The following KIF5C variants were observed in gnomAD, a reference collection of about 807,000 sequenced individuals.
KIF5C encodes kinesin heavy chain isoform 5C.
Under a neutral mutation model 125.2 loss-of-function variants are expected in KIF5C, and 18 were observed. The observed-to-expected ratio is 0.14, with a 90% CI of 0.10 to 0.21. The LOEUF (loss-of-function observed/expected upper bound fraction) is 0.21. Among genes scored for constraint, KIF5C ranks in the 10% least tolerant of loss-of-function variants. The pLI, the probability that KIF5C is intolerant of heterozygous loss-of-function variation, is 1.00. For missense variants in KIF5C, 780 were observed against 1,183.8 expected (o/e 0.66, Z 5.01); for synonymous variants, 405 against 434.0 (o/e 0.93, Z 0.83).
chr2:148,916,020 G>C (rs931809131), intron 1 of KIF5C, among the ~76,000 whole-genome samples: 1 of 152,220 alleles, frequency 6.6e-6, no homozygotes, highest in Admixed American at 6.5e-5. Flanking sequence ...GCCTGTTGCG[G>C]GTGACCAAGA....
chr2:148,947,066 TA>T, intron 8 of KIF5C, 43 bp downstream of exon 8: 1 of 1,566,908 alleles, frequency 6.4e-7, no homozygotes, highest in Non-Finnish European at 8.6e-7. Flanking sequence ...TTTCCCCTTT[TA>T]TTTGCTTCAT....
At chr2:148,881,467 T>C (rs1176891568) in intron 1 of KIF5C, among the ~76,000 whole-genome samples, 1 of 152,124 alleles carries the variant, frequency 6.6e-6, no homozygotes, top group Non-Finnish European at 1.5e-5. Context: ...ACTGTAGTTG[T>C]GTAATTGCTT....
intron 4 of KIF5C, among the ~76,000 whole-genome samples, chr2:148,940,093 A>G (rs559872711): frequency 3.3e-5 from 5 of 152,276 alleles, no homozygotes; most frequent in African/African-American, 1.2e-4. Flanking sequence ...TATGTTTAAG[A>G]TCTCAAAAAT....
intron 7 of KIF5C, among the ~76,000 whole-genome samples, chr2:148,943,325 C>T (rs146307619): frequency 6.6e-6 from 1 of 152,266 alleles, no homozygotes; most frequent in East Asian, 1.9e-4. Context: ...CAGTTCCTTC[C>T]TCAGTATGTT....
intron 25 of KIF5C, among the ~76,000 whole-genome samples, chr2:149,014,928 C>T (rs1682318110): frequency 6.6e-6 from 1 of 152,104 alleles, no homozygotes; most frequent in African/African-American, 2.4e-5. Flanking sequence ...CGGGTCATGC[C>T]TGTAATCCCA....
In KIF5C at chr2:148,875,575, G is replaced by GCCCCCCCCCCCCCCCCCGCCCCCC; in HGVS notation, c.-37_-36insCCCCCCCCCCCGCCCCCCCCCCCC. ...TCCTCCCTCGTCGTTCCCGGCCCCG[G>GCCCCCCCCCCCCCCCCCGCCCCCC]CCCCCCACCCATCCCCGTGCCCCCT... On this transcript the variant is annotated 5_prime_UTR_variant, in exon 1 of 26. Transcript: ENST00000435030. 1.4e-6 allele frequency: 1 copy of GCCCCCCCCCCCCCCCCCGCCCCCC among 699,606 alleles called. No individual in the cohort carries two copies. The highest frequency in any genetic ancestry group is 2.6e-6 in the Non-Finnish European group (1 of 389,230). 43.3% of individuals were successfully genotyped at this position (699,606 alleles called of 1,614,324 possible).
In KIF5C at chr2:148,973,639, A is replaced by G. The variant is rs1680981077; in HGVS notation, c.1293+128A>G. The G allele has an allele frequency of 3.8e-6, 5 of 1,320,610 alleles. No homozygotes were observed. In the South Asian group the frequency reaches 8.2e-5, roughly 22 times the overall value. The allele number at this position is 1,320,610 out of a possible 1,614,324, so 81.8% of individuals were successfully genotyped here. On this transcript the variant is annotated intron_variant, in intron 12 of 25. Coordinates refer to ENST00000435030, the MANE Select transcript of KIF5C (RefSeq NM_004522.3). ...TTTCTGGTTTCCTAATACCTACCCT[A>G]GCACTTTGATGGTGCAGATTCAGGG...
intron 17 of KIF5C, among the ~76,000 whole-genome samples, chr2:148,995,958 C>T (rs1048988893): frequency 1.3e-5 from 2 of 152,048 alleles, no homozygotes; most frequent in East Asian, 3.8e-4. Context: ...AGTTCGAGAC[C>T]AGCCTGGCCA....
intron 1 of KIF5C, among the ~76,000 whole-genome samples, chr2:148,919,360 G>A (rs1296348064): frequency 6.6e-6 from 1 of 152,218 alleles, no homozygotes; most frequent in African/African-American, 2.4e-5. Context: ...CGTGTCTCCA[G>A]AAGGAGTGAC....
chr2:148,997,170 T>C, intron 17 of KIF5C, 94 bp from the exon 18 acceptor site: 2 of 1,501,802 alleles, frequency 1.3e-6, no homozygotes, highest in Non-Finnish European at 1.8e-6. Flanking sequence ...TTTCACTCTG[T>C]TGCCATTTTT....
rs1252331134 is a variant in KIF5C at position 148,875,567 on chromosome 2, CG to C, written c.-49del. On this transcript the variant is annotated 5_prime_UTR_variant, in exon 1 of 26. Coordinates refer to ENST00000435030, the MANE Select transcript of KIF5C (RefSeq NM_004522.3). ...TCGCGGCCTCCTCCCTCGTCGTTCCCGGCCCCGGCCCCCCACCCATCCCCGT... is the reference window on the plus strand; with the variant it reads ...TCGCGGCCTCCTCCCTCGTCGTTCCCGCCCCGGCCCCCCACCCATCCCCGT... 5 of 853,192 alleles carry C rather than the reference CG, an allele frequency of 5.9e-6. No individual in the cohort carries two copies. Among genetic ancestry groups the C allele is most frequent in the Non-Finnish European group, 9.6e-6 (5 of 520,588 alleles). 52.9% of individuals were successfully genotyped at this position (853,192 alleles called of 1,614,324 possible).
At chr2:148,974,903 C>T (rs546589682) in intron 12 of KIF5C, among the ~76,000 whole-genome samples, 20 of 152,258 alleles carry the variant, frequency 1.3e-4, no homozygotes, top group African/African-American at 4.6e-4. Context: ...CTTGGCAGCA[C>T]AGGGAACTTT....
chr2:148,980,165 C>T (rs1246008961), intron 13 of KIF5C, among the ~76,000 whole-genome samples: 2 of 151,918 alleles, frequency 1.3e-5, no homozygotes, highest in African/African-American at 4.8e-5. Context: ...CCTCCCCTGC[C>T]CAAACACTTC....
At chr2:149,002,482 A>T (rs1238705467) in intron 21 of KIF5C, among the ~76,000 whole-genome samples, 1 of 152,194 alleles carries the variant, frequency 6.6e-6, no homozygotes, top group Admixed American at 6.5e-5. Context: ...ACAAGTACTT[A>T]CAACACACAC....
chr2:148,942,386 T>C (rs1682428445), intron 6 of KIF5C, among the ~76,000 whole-genome samples: 1 of 152,214 alleles, frequency 6.6e-6, no homozygotes, highest in Non-Finnish European at 1.5e-5. Flanking sequence ...TTCTTTGATT[T>C]TCTGTCTTCT....
chr2:148,926,940 C>T (rs1682024877), intron 2 of KIF5C, among the ~76,000 whole-genome samples: 1 of 151,830 alleles, frequency 6.6e-6, no homozygotes, highest in Non-Finnish European at 1.5e-5. Context: ...CTTTCAGGGC[C>T]GAGTGGAGTT....
chr2:148,909,161 G>A (rs560142177), intron 1 of KIF5C, among the ~76,000 whole-genome samples: 31 of 152,202 alleles, frequency 2.0e-4, no homozygotes, highest in Non-Finnish European at 4.4e-5. Flanking sequence ...ACTGGGCTCT[G>A]CCTGGCTCTT....
At chr2:148,914,847 A>T (rs1681481748) in intron 1 of KIF5C, among the ~76,000 whole-genome samples, 1 of 152,180 alleles carries the variant, frequency 6.6e-6, no homozygotes, top group Non-Finnish European at 1.5e-5. Context: ...CAGGCAGTGG[A>T]GTGGAGAGGA....
In KIF5C at chr2:148,983,743, A is replaced by G; in HGVS notation, c.1693A>G (p.Ile565Val). The G allele has an allele frequency of 6.2e-7, 1 of 1,609,282 alleles. No homozygotes were observed. Among genetic ancestry groups the G allele is most frequent in the African/African-American group, 1.3e-5 (1 of 74,874 alleles). The stretch of plus-strand genomic sequence containing the variant: ...AGATCTGGGGGAGATAGGTGGAATT[A>G]TTGGCACCAATGATGTGAAAACTGT... ...LKDLGEIGGI[I>V]GTNDVKTLAD... The change falls in exon 15 of 26, where the codon ATT (isoleucine) becomes GTT (valine). Residue 565 changes from isoleucine (I) to valine (V), a missense_variant. Around this residue, in one of 2 missense-constraint regions of KIF5C, gnomAD observed 573 missense variants for 742.6 expected, o/e 0.77. Coordinates refer to ENST00000435030, the MANE Select transcript of KIF5C (RefSeq NM_004522.3).
Sources: allele counts gnomAD v4.1 joint callset (sites outside exome capture counted in the v4.1 genomes callset), GRCh38; gene constraint gnomAD v4.1.1; regional missense constraint gnomAD v4.1.1; transcripts MANE v1.5; gene names NCBI Gene and HGNC (gene_info 2026-07-23, HGNC 2026-07-21).